Variants in PPP3CA observed in about 807,000 individuals in gnomAD.
PPP3CA encodes protein phosphatase 3 catalytic subunit alpha.
In PPP3CA, 14 loss-of-function variants were observed where a neutral mutation model predicts 66.5. That is an observed-to-expected ratio of 0.21 (90% CI 0.14 to 0.33). The LOEUF (loss-of-function observed/expected upper bound fraction) is 0.33, where lower values mean the gene tolerates loss of function less well. Ranked by LOEUF, PPP3CA falls within the 10% of genes least tolerant of loss-of-function variation. The pLI, the probability that PPP3CA is intolerant of heterozygous loss-of-function variation, is 1.00. For synonymous variants in PPP3CA, 232 were observed against 226.2 expected, an observed-to-expected ratio of 1.03 and a Z score of -0.23; for missense variants, 317 against 639.5, an observed-to-expected ratio of 0.50 and a Z score of 5.44.
intron 2 of PPP3CA, among the ~76,000 whole-genome samples, chr4:101,151,652 CTTTTTTTTTTTT>C (rs369745312): frequency 1.8e-4 from 15 of 84,812 alleles, no homozygotes; most frequent in African/African-American, 7.3e-4. Context: ...CCAAGGTTTC[CTTTTTTTTTTTT>C]TTTTTTTTTT....
Position 101,080,626 on chromosome 4 carries a change from C to A in PPP3CA, c.861G>T (p.Gly287=). ...TTTGGCTTTTCCTGTACATGCGGTA[C>A]CTAAAAAGAACAAATACAGTCAAAA... is the stretch of plus-strand genomic sequence containing the variant. The part of the protein sequence containing the change: ...ILRAHEAQDA[G]YRMYRKSQTT... Residue 287 remains glycine, a splice_region_variant and synonymous_variant, in exon 8 of 14, where the codon GGG becomes GGT. Transcript: ENST00000394854. 1 of 1,492,122 alleles carries A rather than the reference C, an allele frequency of 6.7e-7. No individual in the cohort carries two copies. Among genetic ancestry groups the A allele is most frequent in the South Asian group, 1.5e-5 (1 of 67,390 alleles). 92.4% of individuals were successfully genotyped at this position (1,492,122 alleles called of 1,614,324 possible).
chr4:101,211,046 C>T (rs559162433), intron 1 of PPP3CA, among the ~76,000 whole-genome samples: 1 of 152,276 alleles, frequency 6.6e-6, no homozygotes, highest in East Asian at 1.9e-4. Flanking sequence ...AGATTTACTT[C>T]ACTGAATTTT....
At chr4:101,211,538 C>A (rs774098799) in intron 1 of PPP3CA, among the ~76,000 whole-genome samples, 1 of 152,172 alleles carries the variant, frequency 6.6e-6, no homozygotes, top group East Asian at 1.9e-4. Context: ...TAAAAGAGAC[C>A]AAAATGTTAC....
At chr4:101,154,425 C>T (rs1217614585) in intron 2 of PPP3CA, among the ~76,000 whole-genome samples, 1 of 152,008 alleles carries the variant, frequency 6.6e-6, no homozygotes, top group Non-Finnish European at 1.5e-5. Context: ...TTACTCTGTA[C>T]AAGAATTTGG....
chr4:101,081,021 G>A (rs1476753367), intron 7 of PPP3CA, among the ~76,000 whole-genome samples: 1 of 151,996 alleles, frequency 6.6e-6, no homozygotes, highest in African/African-American at 2.4e-5. Flanking sequence ...GACCAAATAA[G>A]TAGAGCAAGA....
At chr4:101,332,997 T>C (rs1578199389) in intron 1 of PPP3CA, among the ~76,000 whole-genome samples, 1 of 152,150 alleles carries the variant, frequency 6.6e-6, no homozygotes, top group South Asian at 2.1e-4. Context: ...CTAGCTTACG[T>C]CTGAGCCCTC....
intron 1 of PPP3CA, among the ~76,000 whole-genome samples, chr4:101,326,403 G>A (rs1342921589): frequency 6.6e-6 from 1 of 152,098 alleles, no homozygotes; most frequent in Non-Finnish European, 1.5e-5. Context: ...GGGATTAAAA[G>A]AAACAGTAAA....
At chr4:101,098,658 A>G (rs769489775) in intron 4 of PPP3CA, 146 bp from the exon 5 acceptor site, 7 of 628,950 alleles carry the variant, frequency 1.1e-5, no homozygotes, top group Non-Finnish European at 1.8e-5. Flanking sequence ...CATAATTAAG[A>G]TTTTCTGAAA....
intron 7 of PPP3CA, 81 bp downstream of exon 7, chr4:101,083,105 A>C: frequency 9.2e-7 from 1 of 1,086,082 alleles, no homozygotes; most frequent in South Asian, 2.7e-5. Context: ...GGTAAAAGGG[A>C]ACCTGCAGAG....
At chr4:101,293,620 A>G (rs929141374) in intron 1 of PPP3CA, among the ~76,000 whole-genome samples, 1 of 152,140 alleles carries the variant, frequency 6.6e-6, no homozygotes. Context: ...ATTTTTCCAC[A>G]TGTAGAAGAT....
intron 1 of PPP3CA, among the ~76,000 whole-genome samples, chr4:101,316,447 C>T (rs1397122610): frequency 6.6e-6 from 1 of 151,986 alleles, no homozygotes; most frequent in African/African-American, 2.4e-5. Context: ...TCAACATTTA[C>T]ATTATAAAGA....
intron 2 of PPP3CA, among the ~76,000 whole-genome samples, chr4:101,119,102 G>T (rs1412105107): frequency 1.3e-5 from 2 of 151,690 alleles, no homozygotes; most frequent in African/African-American, 4.8e-5. Flanking sequence ...CATTTTGAAT[G>T]TTCTGCAAGA....
intron 2 of PPP3CA, among the ~76,000 whole-genome samples, chr4:101,170,131 C>T (rs563813744): frequency 6.6e-5 from 10 of 151,792 alleles, no homozygotes; most frequent in African/African-American, 2.4e-4. Context: ...TTAAATTACT[C>T]CCAGATAATA....
intron 8 of PPP3CA, among the ~76,000 whole-genome samples, chr4:101,071,607 AT>A (rs1263415484): frequency 1.3e-5 from 2 of 152,178 alleles, no homozygotes; most frequent in Non-Finnish European, 2.9e-5. Context: ...TTTAAGATGG[AT>A]TTTTTGATTG....
At chr4:101,151,160 C>A (rs972277685) in intron 2 of PPP3CA, among the ~76,000 whole-genome samples, 5 of 152,280 alleles carry the variant, frequency 3.3e-5, no homozygotes, top group African/African-American at 1.2e-4. Context: ...CAGACCGTGA[C>A]CATGGACCTT....
rs145983885 is a variant in PPP3CA, at chr4:101,205,375, T to A, written c.59-9259A>T. ...TGGGGTACATGAATCCAGGTACATT[T>A]TACCACTCAGAAATCCTCAACTCAA... On this transcript the variant is annotated intron_variant, in intron 1 of 13. Transcript: ENST00000394854. Among the ~76,000 whole-genome samples the A allele has an allele frequency of 2.4e-3, 361 of 152,274 alleles. 1 individual carries two copies. Among genetic ancestry groups the A allele is most frequent in the African/African-American group, 8.4e-3 (350 of 41,544 alleles).
At chr4:101,278,312 C>T (rs1578622605) in intron 1 of PPP3CA, among the ~76,000 whole-genome samples, 2 of 152,024 alleles carry the variant, frequency 1.3e-5, no homozygotes, top group South Asian at 2.1e-4. Flanking sequence ...GTCTACCTGT[C>T]ATTTGTCAGC....
At chr4:101,171,596 T>A (rs1288326299) in intron 2 of PPP3CA, among the ~76,000 whole-genome samples, 3 of 152,148 alleles carry the variant, frequency 2.0e-5, no homozygotes, top group African/African-American at 7.2e-5. Flanking sequence ...AAAGGTTAAG[T>A]AACTCATGTA....
At chr4:101,155,742 A>T (rs1272984034) in intron 2 of PPP3CA, among the ~76,000 whole-genome samples, 1 of 152,248 alleles carries the variant, frequency 6.6e-6, no homozygotes, top group Non-Finnish European at 1.5e-5. Flanking sequence ...TACATGCCTC[A>T]TTACTACTTA....
Sources: allele counts gnomAD v4.1 joint callset (sites outside exome capture counted in the v4.1 genomes callset), GRCh38; gene constraint gnomAD v4.1.1; transcripts MANE v1.5; gene names NCBI Gene and HGNC (gene_info 2026-07-23, HGNC 2026-07-21).